The following MITF variants were observed in gnomAD, a reference collection of about 807,000 sequenced individuals.
MITF encodes the protein melanocyte inducing transcription factor.
In MITF, 17 loss-of-function variants were observed where a neutral mutation model predicts 60.5. The observed-to-expected ratio is 0.28, with a 90% CI of 0.19 to 0.42. The LOEUF is 0.42. Ranked by LOEUF, MITF falls within the 10% of genes least tolerant of loss-of-function variation. The probability of loss-of-function intolerance (pLI) is 1.00; values close to 1 mark genes in which losing one functional copy is unlikely to be tolerated. For missense variants in MITF, 622 were observed against 683.5 expected (o/e 0.91, Z 1.00); for synonymous variants, 260 against 248.5 (o/e 1.05, Z -0.43).
intron 1 of MITF, among the ~76,000 whole-genome samples, chr3:69,797,293 T>C (rs1678387656): frequency 6.6e-6 from 1 of 152,144 alleles, no homozygotes. Context: ...ATTGTACATA[T>C]TCAGAGAGGT....
rs959512493 is a variant in MITF at position 69,791,267 on chromosome 3, C to G, written c.104+51566C>G. ...AGTCCCTGAGGGGGATTGTGAAATC[C>G]GGCCTCCGCAACTGTGATTCAAGTC... On this transcript the variant is annotated intron_variant, in intron 1 of 9. Transcript: ENST00000352241. Among the ~76,000 whole-genome samples the G allele has an allele frequency of 2.0e-5, 3 of 152,122 alleles. No homozygotes were observed. The East Asian group carries it at 5.8e-4, about 29-fold the overall frequency.
chr3:69,958,740 A>G (rs963412368), intron 8 of MITF, among the ~76,000 whole-genome samples: 1 of 152,112 alleles, frequency 6.6e-6, no homozygotes, highest in South Asian at 2.1e-4. Context: ...TTTGTAATCA[A>G]CAGACCTAAC....
At chr3:69,815,454 G>A (rs1291873431) in intron 1 of MITF, among the ~76,000 whole-genome samples, 3 of 152,152 alleles carry the variant, frequency 2.0e-5, no homozygotes, top group African/African-American at 7.2e-5. Context: ...TGAGGATGAA[G>A]ACCTTTTTGA....
chr3:69,776,890 T>TG (rs1372372598), intron 1 of MITF, among the ~76,000 whole-genome samples: 1 of 152,238 alleles, frequency 6.6e-6, no homozygotes, highest in Non-Finnish European at 1.5e-5. Context: ...AATATGCCTC[T>TG]GGCTTATATA....
intron 1 of MITF, among the ~76,000 whole-genome samples, chr3:69,771,659 T>C (rs2062396064): frequency 6.6e-6 from 1 of 152,254 alleles, no homozygotes; most frequent in African/African-American, 2.4e-5. Flanking sequence ...TGCTAAAATA[T>C]TTTTCAACAG....
intron 2 of MITF, among the ~76,000 whole-genome samples, chr3:69,935,931 C>T (rs2065823147): frequency 6.6e-6 from 1 of 152,170 alleles, no homozygotes; most frequent in Non-Finnish European, 1.5e-5. Flanking sequence ...TAAAAATTCT[C>T]AGCAAAAATG....
At chr3:69,883,711 G>A (rs2064543108) in intron 2 of MITF, among the ~76,000 whole-genome samples, 1 of 152,132 alleles carries the variant, frequency 6.6e-6, no homozygotes, top group Non-Finnish European at 1.5e-5. Flanking sequence ...AACAGATGTA[G>A]TGTGTCTCAG....
At chr3:69,793,239 C>T (rs2062771409) in intron 1 of MITF, among the ~76,000 whole-genome samples, 1 of 152,048 alleles carries the variant, frequency 6.6e-6, no homozygotes, top group Non-Finnish European at 1.5e-5. Flanking sequence ...TGGTCTTGAA[C>T]TACTAGGCTC....
chr3:69,878,400 T>C (rs889601202), intron 1 of MITF, among the ~76,000 whole-genome samples: 1 of 152,132 alleles, frequency 6.6e-6, no homozygotes, highest in African/African-American at 2.4e-5. Context: ...CCATTAGAAG[T>C]AGTCCTCATG....
intron 9 of MITF, 125 bp from the exon 10 acceptor site, chr3:69,964,722 G>C: frequency 1.3e-6 from 1 of 743,354 alleles, no homozygotes; most frequent in South Asian, 1.6e-5. Context: ...TGTACATTTT[G>C]TGGGTTTGGC....
intron 1 of MITF, among the ~76,000 whole-genome samples, chr3:69,782,840 T>C (rs941018280): frequency 1.3e-5 from 2 of 152,202 alleles, no homozygotes; most frequent in East Asian, 3.8e-4. Flanking sequence ...TAATTGGAGT[T>C]ACAAATGGCA....
intron 1 of MITF, among the ~76,000 whole-genome samples, chr3:69,815,194 A>G (rs2063162389): frequency 6.6e-6 from 1 of 152,192 alleles, no homozygotes; most frequent in South Asian, 2.1e-4. Context: ...GTTATCTCCT[A>G]GGAGTTAACA....
intron 1 of MITF, among the ~76,000 whole-genome samples, chr3:69,874,216 T>G (rs2064301683): frequency 6.6e-6 from 1 of 152,214 alleles, no homozygotes; most frequent in Admixed American, 6.5e-5. Context: ...CAATTCCTAC[T>G]TTATAGCTCA....
At chr3:69,804,329 C>T (rs537508150) in intron 1 of MITF, among the ~76,000 whole-genome samples, 3 of 151,604 alleles carry the variant, frequency 2.0e-5, no homozygotes, top group South Asian at 2.1e-4. Flanking sequence ...ACCCCCTTTC[C>T]CCTTTACTCC....
intron 6 of MITF, 39 bp from the exon 7 acceptor site, chr3:69,951,773 A>G (rs112521029): frequency 1.3e-6 from 2 of 1,540,240 alleles, no homozygotes; most frequent in African/African-American, 1.4e-5. Context: ...TGCAACTTCA[A>G]ACAGTTCCAA....
intron 1 of MITF, among the ~76,000 whole-genome samples, chr3:69,772,008 A>T (rs1018600040): frequency 1.7e-4 from 26 of 152,210 alleles, no homozygotes; most frequent in African/African-American, 6.3e-4. Context: ...AATTTTCATC[A>T]ATTAGGATTG....
At chr3:69,938,708 C>T (rs960036127) in intron 3 of MITF, 1 of 1,308,150 alleles carries the variant, frequency 7.6e-7, no homozygotes. Flanking sequence ...CATACAAATA[C>T]CTGAGAGCTG....
chr3:69,859,657 A>G (rs1308944421), intron 1 of MITF, among the ~76,000 whole-genome samples: 2 of 152,074 alleles, frequency 1.3e-5, no homozygotes, highest in African/African-American at 4.8e-5. Context: ...GCTTGGAAGA[A>G]GAAAGAAACT....
chr3:69,934,286 AG>A (rs1296400142), intron 2 of MITF, among the ~76,000 whole-genome samples: 2 of 152,176 alleles, frequency 1.3e-5, no homozygotes, highest in Non-Finnish European at 2.9e-5. Context: ...AGTTTTCCGA[AG>A]GCTACATGTC....
Sources: gnomAD v4.1 joint callset for allele counts (sites outside exome capture counted in the v4.1 genomes callset) on GRCh38, gnomAD v4.1.1 for gene constraint, MANE v1.5 for transcripts, NCBI Gene and HGNC (gene_info 2026-07-23, HGNC 2026-07-21) for gene names.